CCDC171: variants seen among roughly 807,000 people sequenced by gnomAD.
CCDC171 encodes the protein coiled-coil domain containing 171, also known as coiled-coil domain-containing protein 171.
A neutral mutation model predicts 168.2 loss-of-function variants in CCDC171; 177 were observed. That is an observed-to-expected ratio of 1.05 (90% CI 0.93 to 1.19). The LOEUF (loss-of-function observed/expected upper bound fraction) is 1.19, where lower values mean the gene tolerates loss of function less well. Among genes scored for constraint, CCDC171 ranks in the 50% most tolerant of loss-of-function variants. The probability of loss-of-function intolerance (pLI) is 0.00; values close to 1 mark genes in which losing one functional copy is unlikely to be tolerated. For synonymous variants in CCDC171, 687 were observed against 540.8 expected (o/e 1.27, Z -3.75); for missense variants, 1,991 against 1,539.0 (o/e 1.29, Z -4.91).
downstream of CCDC171, among the ~76,000 whole-genome samples, chr9:16,065,115 C>T (rs574864098): frequency 2.6e-5 from 4 of 152,266 alleles, no homozygotes; most frequent in South Asian, 2.1e-4. Flanking sequence ...GTCCCAGGTC[C>T]GCCTGCGAGC....
In CCDC171 at chr9:15,779,040, C is replaced by G; in HGVS notation, c.2971C>G (p.Arg991Gly). The stretch of plus-strand genomic sequence containing the variant: ...ACTGCATGCTGCAGAAGTGGAGCGC[C>G]GCTCACTACGCTTAGAGGTCACAGA... ...QRLHAAEVER[R>G]SLRLEVTEFK... The change falls in exon 20 of 26, where the codon CGC (arginine) becomes GGC (glycine). Residue 991 changes from arginine to glycine, a missense_variant. Arg to Gly is a moderately radical substitution (Grantham distance 125). Transcript: ENST00000380701. 1.9e-6 allele frequency: 3 copies of G among 1,602,094 alleles called. No individual in the cohort carries two copies. The highest frequency in any genetic ancestry group is 2.6e-6 in the Non-Finnish European group (3 of 1,174,702).
intron 23 of CCDC171, among the ~76,000 whole-genome samples, chr9:15,860,402 G>C (rs2061510689): frequency 6.6e-6 from 1 of 151,302 alleles, no homozygotes; most frequent in South Asian, 2.1e-4. Context: ...GTTTACTGCT[G>C]TATGTTTCCC....
intron 21 of CCDC171, among the ~76,000 whole-genome samples, chr9:15,792,652 G>C (rs532062110): frequency 9.1e-4 from 139 of 152,246 alleles, no homozygotes; most frequent in African/African-American, 3.3e-3. Flanking sequence ...AGCCAGAAGA[G>C]AGTGGGGGCC....
intron 4 of CCDC171, among the ~76,000 whole-genome samples, chr9:15,586,470 A>G (rs1044101352): frequency 3.9e-5 from 6 of 152,210 alleles, no homozygotes; most frequent in Non-Finnish European, 8.8e-5. Flanking sequence ...AGATGTTAAA[A>G]TCCTAAGTCA....
At chr9:15,690,113 G>C (rs923811788) in intron 10 of CCDC171, among the ~76,000 whole-genome samples, 2 of 152,176 alleles carry the variant, frequency 1.3e-5, no homozygotes, top group African/African-American at 4.8e-5. Flanking sequence ...CCTGGGGATA[G>C]TGGTGGGAGA....
chr9:15,863,551 A>T (rs73422740), intron 23 of CCDC171, among the ~76,000 whole-genome samples: 1 of 151,798 alleles, frequency 6.6e-6, no homozygotes, highest in Admixed American at 6.6e-5. Context: ...GAATGTGTCA[A>T]CTTCAAAATT....
chr9:15,748,016 A>G (rs1387195592), intron 18 of CCDC171, among the ~76,000 whole-genome samples: 3 of 152,294 alleles, frequency 2.0e-5, no homozygotes, highest in African/African-American at 7.2e-5. Context: ...AGGTTAGACG[A>G]GTGACTAACT....
chr9:15,684,354 T>C (rs965416393), intron 10 of CCDC171, among the ~76,000 whole-genome samples: 1 of 152,076 alleles, frequency 6.6e-6, no homozygotes, highest in Non-Finnish European at 1.5e-5. Flanking sequence ...AAAAACCCAT[T>C]GACTAAAGGC....
In CCDC171 at chr9:15,615,791, T is replaced by C. The variant is rs527673639; in HGVS notation, c.676-7476T>C. On this transcript the variant is annotated intron_variant, in intron 6 of 25. Transcript: ENST00000380701. ...AATCACGTGTGATTTTTTTTTTTTTTTTCTTCAGACAGGGTCTCACTCTGT... is the reference window on the plus strand; with the variant it reads ...AATCACGTGTGATTTTTTTTTTTTTCTTCTTCAGACAGGGTCTCACTCTGT... Among the ~76,000 whole-genome samples the C allele has an allele frequency of 1.4e-3, 211 of 152,006 alleles. 1 individual carries two copies. The highest frequency in any genetic ancestry group is 4.3e-3 in the African/African-American group (180 of 41,454).
At chr9:15,707,673 A>G (rs1379900427) in intron 11 of CCDC171, among the ~76,000 whole-genome samples, 2 of 152,218 alleles carry the variant, frequency 1.3e-5, no homozygotes, top group African/African-American at 4.8e-5. Flanking sequence ...TTAAAAACAT[A>G]CTATTATTCT....
At chr9:15,750,929 G>T (rs2055694859) in intron 18 of CCDC171, among the ~76,000 whole-genome samples, 1 of 152,154 alleles carries the variant, frequency 6.6e-6, no homozygotes, top group Non-Finnish European at 1.5e-5. Flanking sequence ...TTCTGGCCAG[G>T]ACAATCAGGC....
At chr9:15,803,098 A>G (rs1169490352) in intron 21 of CCDC171, among the ~76,000 whole-genome samples, 1 of 151,730 alleles carries the variant, frequency 6.6e-6, no homozygotes, top group Non-Finnish European at 1.5e-5. Context: ...ACTTTTTAAC[A>G]GGGTTGGTTG....
chr9:15,707,534 T>G (rs1466521371), intron 11 of CCDC171, among the ~76,000 whole-genome samples: 1 of 152,204 alleles, frequency 6.6e-6, no homozygotes, highest in Non-Finnish European at 1.5e-5. Context: ...TTTGTAGTCT[T>G]CTTGTTCTCT....
intron 1 of CCDC171, among the ~76,000 whole-genome samples, chr9:16,053,711 C>T (rs1346328145): frequency 2.6e-5 from 4 of 152,202 alleles, no homozygotes; most frequent in Admixed American, 6.5e-5. Context: ...AGTGTGGGGC[C>T]GGAGAAAGCT....
chr9:15,664,567 T>TACACACACACAC (rs34252519), intron 8 of CCDC171, among the ~76,000 whole-genome samples: 35,548 of 143,962 alleles, frequency 0.25, 4,668 homozygotes, highest in African/African-American at 0.35. Flanking sequence ...CTTAAATTTA[T>TACACACACACAC]ACACACACAC....
At chr9:16,036,400 T>C (rs1252427107) in intron 8 of CCDC171, among the ~76,000 whole-genome samples, 1 of 152,174 alleles carries the variant, frequency 6.6e-6, no homozygotes, top group Non-Finnish European at 1.5e-5. Flanking sequence ...ATCCCGGCAA[T>C]TTGGGAGGCC....
intron 6 of CCDC171, among the ~76,000 whole-genome samples, chr9:15,613,614 C>G (rs2043867823): frequency 6.6e-6 from 1 of 150,772 alleles, no homozygotes; most frequent in Non-Finnish European, 1.5e-5. Flanking sequence ...CCTCCGCCTT[C>G]TGGGTTCAAG....
At chr9:15,814,117 A>T (rs1456756657) in intron 21 of CCDC171, among the ~76,000 whole-genome samples, 1 of 152,150 alleles carries the variant, frequency 6.6e-6, no homozygotes, top group African/African-American at 2.4e-5. Context: ...TAATTTTGTC[A>T]GTTATAGAGA....
intron 22 of CCDC171, among the ~76,000 whole-genome samples, chr9:15,847,619 AT>A (rs1383029454): frequency 5.3e-5 from 8 of 152,096 alleles, no homozygotes; most frequent in African/African-American, 1.7e-4. Flanking sequence ...GAAACATCTA[AT>A]TTTGATAAAC....
Sources: allele counts gnomAD v4.1 joint callset (sites outside exome capture counted in the v4.1 genomes callset), GRCh38; gene constraint gnomAD v4.1.1; transcripts MANE v1.5; gene names NCBI Gene and HGNC (gene_info 2026-07-23, HGNC 2026-07-21).